Variants in SLC9A9 observed in about 807,000 individuals in gnomAD.
SLC9A9 encodes the protein solute carrier family 9 member A9.
In SLC9A9, 62 loss-of-function variants were observed where a neutral mutation model predicts 77.8. The ratio of observed to expected loss-of-function variants is 0.80; its 90% CI spans 0.65 to 0.98. The LOEUF is 0.98. SLC9A9 is among the 50% of genes least tolerant of loss of function. The pLI is 0.00. For missense variants in SLC9A9, 775 were observed against 774.9 expected (o/e 1.00, Z 0.00); for synonymous variants, 320 against 283.5 (o/e 1.13, Z -1.29).
intron 12 of SLC9A9, among the ~76,000 whole-genome samples, chr3:143,455,286 C>T (rs2035071185): frequency 6.6e-6 from 1 of 152,052 alleles, no homozygotes; most frequent in African/African-American, 2.4e-5. Context: ...TATGTCTATC[C>T]CTTTGTCAAT....
intron 6 of SLC9A9, among the ~76,000 whole-genome samples, chr3:143,584,809 C>T (rs1025003658): frequency 9.9e-5 from 15 of 152,176 alleles, no homozygotes; most frequent in African/African-American, 2.2e-4. Context: ...TAAAACTTAG[C>T]GCAGCCCAAC....
At chr3:143,775,770 G>A (rs1449943326) in intron 4 of SLC9A9, among the ~76,000 whole-genome samples, 1 of 152,114 alleles carries the variant, frequency 6.6e-6, no homozygotes, top group Non-Finnish European at 1.5e-5. Context: ...TCTGAAATCC[G>A]CAAATAATTT....
chr3:143,334,006 T>TCAAATACAAA, intron 14 of SLC9A9, among the ~76,000 whole-genome samples: 1 of 152,240 alleles, frequency 6.6e-6, no homozygotes, highest in African/African-American at 2.4e-5. Context: ...GTTTTGCTTT[T>TCAAATACAAA]ATTAATTTTG....
chr3:143,432,324 G>A (rs115666396), intron 12 of SLC9A9, among the ~76,000 whole-genome samples: 255 of 152,226 alleles, frequency 1.7e-3, no homozygotes, highest in African/African-American at 5.4e-3. Context: ...GTGGGAACAG[G>A]CCCTGGAAAG....
At chr3:143,457,298 A>G (rs1016032683) in intron 12 of SLC9A9, among the ~76,000 whole-genome samples, 1 of 152,182 alleles carries the variant, frequency 6.6e-6, no homozygotes, top group South Asian at 2.1e-4. Flanking sequence ...GATAACAAAC[A>G]TAAGCCACCT....
chr3:143,298,083 T>C (rs1368597449), intron 14 of SLC9A9, among the ~76,000 whole-genome samples: 4 of 152,230 alleles, frequency 2.6e-5, no homozygotes, highest in African/African-American at 9.7e-5. Context: ...TTTTATTGCA[T>C]GAATGAGAAA....
chr3:143,720,793 T>C (rs889534093), intron 4 of SLC9A9, among the ~76,000 whole-genome samples: 1 of 146,028 alleles, frequency 6.8e-6, no homozygotes, highest in African/African-American at 2.8e-5. Context: ...CTGTCTTAGG[T>C]TCTCACATTC....
intron 6 of SLC9A9, among the ~76,000 whole-genome samples, chr3:143,648,632 C>A (rs1360086035): frequency 6.6e-6 from 1 of 152,174 alleles, no homozygotes; most frequent in East Asian, 1.9e-4. Context: ...ATTATCATGG[C>A]AGTATTACCT....
intron 9 of SLC9A9, among the ~76,000 whole-genome samples, chr3:143,497,108 C>T (rs1434377863): frequency 6.6e-6 from 1 of 152,232 alleles, no homozygotes; most frequent in East Asian, 1.9e-4. Context: ...AGAGCTTCAA[C>T]ATATGAATTT....
chr3:143,448,029 A>G (rs543285266), intron 12 of SLC9A9, among the ~76,000 whole-genome samples: 32 of 152,168 alleles, frequency 2.1e-4, no homozygotes, highest in Non-Finnish European at 2.5e-4. Context: ...GGAGGATGGC[A>G]TTTTCAAAGG....
chr3:143,423,952 G>A (rs959564540), intron 12 of SLC9A9, among the ~76,000 whole-genome samples: 5 of 152,114 alleles, frequency 3.3e-5, no homozygotes, highest in African/African-American at 9.7e-5. Context: ...CCCAGAATAA[G>A]GGATCTCTAC....
intron 4 of SLC9A9, among the ~76,000 whole-genome samples, chr3:143,712,965 C>T (rs1467168689): frequency 6.6e-6 from 1 of 152,046 alleles, no homozygotes; most frequent in Non-Finnish European, 1.5e-5. Flanking sequence ...ACCACTTCTC[C>T]CAACACCATC....
chr3:143,673,861 A>AT (rs1227106403), intron 5 of SLC9A9, among the ~76,000 whole-genome samples: 8 of 152,084 alleles, frequency 5.3e-5, no homozygotes, highest in African/African-American at 1.4e-4. Flanking sequence ...AATTTTATTA[A>AT]TTTTTTCTTT....
intron 12 of SLC9A9, among the ~76,000 whole-genome samples, chr3:143,420,385 G>C (rs1302943321): frequency 6.6e-6 from 1 of 152,120 alleles, no homozygotes; most frequent in Non-Finnish European, 1.5e-5. Context: ...AAAACTCTAT[G>C]GCAAAATTTT....
chr3:143,607,227 A>G (rs2037943099), intron 6 of SLC9A9, among the ~76,000 whole-genome samples: 1 of 152,172 alleles, frequency 6.6e-6, no homozygotes, highest in Admixed American at 6.5e-5. Flanking sequence ...AAGCAAAAGA[A>G]TAATAATTAC....
intron 2 of SLC9A9, among the ~76,000 whole-genome samples, chr3:143,811,016 T>A (rs2008850526): frequency 6.6e-6 from 1 of 151,980 alleles, no homozygotes; most frequent in Non-Finnish European, 1.5e-5. Flanking sequence ...TGGGTAAGAG[T>A]CTATTTGTGG....
chr3:143,799,832 G>A (rs1444213349), intron 2 of SLC9A9, among the ~76,000 whole-genome samples: 1 of 152,154 alleles, frequency 6.6e-6, no homozygotes, highest in African/African-American at 2.4e-5. Flanking sequence ...TCTCACAGTG[G>A]AGGGTAAGTC....
At chr3:143,337,145 G>T (rs2031950831) in intron 14 of SLC9A9, among the ~76,000 whole-genome samples, 1 of 152,080 alleles carries the variant, frequency 6.6e-6, no homozygotes, top group Non-Finnish European at 1.5e-5. Flanking sequence ...ATAAATACTT[G>T]AGTCCCTACC....
intron 5 of SLC9A9, among the ~76,000 whole-genome samples, chr3:143,676,417 A>G (rs1932888074): frequency 6.6e-6 from 1 of 152,192 alleles, no homozygotes; most frequent in African/African-American, 2.4e-5. Context: ...AAAACAAACA[A>G]AAACACATGT....
Sources: gnomAD v4.1 joint callset for allele counts (sites outside exome capture counted in the v4.1 genomes callset) on GRCh38, gnomAD v4.1.1 for gene constraint, MANE v1.5 for transcripts, NCBI Gene and HGNC (gene_info 2026-07-23, HGNC 2026-07-21) for gene names.